The following RGPD1 variants were observed in gnomAD, a reference collection of about 807,000 sequenced individuals.
RGPD1 encodes RANBP2-like and GRIP domain-containing protein 1.
Under a neutral mutation model 40.6 loss-of-function variants are expected in RGPD1, and 7 were observed. The ratio of observed to expected loss-of-function variants is 0.17; its 90% CI spans 0.10 to 0.32. The LOEUF is 0.32. Among genes scored for constraint, RGPD1 ranks in the 10% least tolerant of loss-of-function variants. The pLI is 1.00. For synonymous variants in RGPD1, 24 were observed against 167.0 expected (o/e 0.14, Z 6.60); for missense variants, 50 against 472.5 (o/e 0.11, Z 8.29).
chr2:86,913,986 G>GCGGCGGCCTCGACCTGGCCGGA (rs1677575658), intron 1 of RGPD1: 1 of 926,670 alleles, frequency 1.1e-6, no homozygotes, highest in African/African-American at 3.1e-5. Context: ...ACCTGGCCGG[G>GCGGCGGCCTCGACCTGGCCGGA]CGGCGGCGGC....
chr2:86,930,415 G>A (rs1678849075), intron 1 of RGPD1: 1 of 1,453,046 alleles, frequency 6.9e-7, no homozygotes, highest in Admixed American at 1.7e-5. Context: ...CGAAGGTCAA[G>A]CAGTGAACCG....
At chr2:86,942,893 C>T (rs1205335753) in intron 1 of RGPD1, among the ~76,000 whole-genome samples, 1 of 151,982 alleles carries the variant, frequency 6.6e-6, no homozygotes, top group African/African-American at 2.4e-5. Context: ...TCCTCTTTCT[C>T]CCGGTTTGTT....
intron 4 of RGPD1, among the ~76,000 whole-genome samples, chr2:86,954,829 C>G (rs1464912121): frequency 1.4e-5 from 2 of 144,108 alleles, no homozygotes; most frequent in African/African-American, 5.1e-5. Context: ...AGATACAGAG[C>G]TACTCTATTA....
chr2:86,914,038 GCGGCGGCGGCGGCGGCGGCCT>G (rs1413621524), intron 1 of RGPD1: 1 of 68,534 alleles, frequency 1.5e-5, no homozygotes, highest in Non-Finnish European at 2.9e-5. Context: ...GGCGGCGGCG[GCGGCGGCGGCGGCGGCGGCCT>G]CGGCCTCGGC....
intron 6 of RGPD1, among the ~76,000 whole-genome samples, chr2:86,960,329 ATTC>A (rs1680887208): frequency 1.8e-5 from 1 of 54,964 alleles, no homozygotes; most frequent in South Asian, 6.5e-4. Flanking sequence ...GGTTCACGCC[ATTC>A]TTCTGCCTCA....
chr2:86,942,070 C>G (rs926273743), upstream of RGPD1, among the ~76,000 whole-genome samples: 1 of 151,320 alleles, frequency 6.6e-6, no homozygotes, highest in East Asian at 2.0e-4. Flanking sequence ...GCAGCTCGAG[C>G]GCCGACGTCG....
At chr2:86,939,410 C>T (rs1164202408), upstream of RGPD1, among the ~76,000 whole-genome samples, 1 of 150,192 alleles carries the variant, frequency 6.7e-6, no homozygotes, top group African/African-American at 2.5e-5. Context: ...GAAACCCCGT[C>T]TCTACTAAAA....
chr2:86,942,100 ACG>A, upstream of RGPD1: 2 of 1,227,750 alleles, frequency 1.6e-6, no homozygotes, highest in Non-Finnish European at 2.3e-6. Flanking sequence ...CACAGTGCTG[ACG>A]CAGTACACAA....
At chr2:86,930,572 C>G in intron 1 of RGPD1, 1 of 1,610,470 alleles carries the variant, frequency 6.2e-7, no homozygotes, top group Non-Finnish European at 8.5e-7. Context: ...CAGTCCAGAG[C>G]AGCCAGAACC....
At chr2:86,942,706 G>A (rs1220340718) in intron 1 of RGPD1, among the ~76,000 whole-genome samples, 2 of 148,130 alleles carry the variant, frequency 1.4e-5, no homozygotes, top group African/African-American at 4.9e-5. Flanking sequence ...GCCTCGACGT[G>A]GCCCGGCGGC....
chr2:86,914,166 GCCT>G (rs1677612074), intron 1 of RGPD1, among the ~76,000 whole-genome samples: 1 of 75,798 alleles, frequency 1.3e-5, no homozygotes, highest in East Asian at 3.9e-4. Context: ...GGCGGCCTCG[GCCT>G]CGGCCTGGCC....
intron 1 of RGPD1, among the ~76,000 whole-genome samples, chr2:86,945,533 T>C (rs544417444): frequency 9.8e-5 from 15 of 152,328 alleles, no homozygotes; most frequent in African/African-American, 3.6e-4. Context: ...ATGATGCGTC[T>C]GTATATCATA....
rs1682267667 is a variant in RGPD1 at position 87,013,358 on chromosome 2, G to T, written c.*811G>T. The T allele has an allele frequency of 8.6e-6, 1 of 116,014 alleles. No individual in the cohort carries two copies. Among genetic ancestry groups the T allele is most frequent in the Non-Finnish European group, 1.5e-5 (1 of 64,972 alleles). The allele number at this position is 116,014 out of a possible 1,614,324, so 7.2% of individuals were successfully genotyped here. A position where few individuals can be genotyped will look rare whatever the true frequency, so the allele number is the denominator to read the frequency against. On this transcript the variant is annotated 3_prime_UTR_variant, in exon 23 of 23. Coordinates refer to ENST00000641458, the MANE Select transcript of RGPD1 (RefSeq NM_001382344.1). ...TGTATTGAGCCCCACCAGGATGCTG[G>T]GGACACACGGGGCACAGTGCAGCCA... is the stretch of plus-strand genomic sequence containing the variant.
At chr2:86,931,203 T>C (rs1260253436) in intron 1 of RGPD1, among the ~76,000 whole-genome samples, 2 of 150,534 alleles carry the variant, frequency 1.3e-5, no homozygotes, top group Admixed American at 1.3e-4. Context: ...ATATCCTTTC[T>C]CCTGGTTAAT....
upstream of RGPD1, among the ~76,000 whole-genome samples, chr2:86,941,391 T>C (rs1374019267): frequency 7.3e-6 from 1 of 137,526 alleles, no homozygotes; most frequent in Non-Finnish European, 1.6e-5. Context: ...TTCCTTTTCC[T>C]TTTTTTTTTT....
chr2:86,931,349 TTGA>T (rs1406960270), intron 1 of RGPD1, among the ~76,000 whole-genome samples: 12 of 151,588 alleles, frequency 7.9e-5, no homozygotes, highest in Admixed American at 4.6e-4. Context: ...TATCTTTTAC[TTGA>T]TCCTCCGTGC....
intron 2 of RGPD1, among the ~76,000 whole-genome samples, chr2:86,951,873 GTTTTTTTTTTT>G (rs71269535): frequency 4.5e-4 from 23 of 50,960 alleles, no homozygotes; most frequent in Non-Finnish European, 5.9e-4. Flanking sequence ...GGGAGGCAGG[GTTTTTTTTTTT>G]TTTTTTTTTT....
chr2:86,925,213 T>A (rs1197868342), intron 1 of RGPD1, among the ~76,000 whole-genome samples: 1 of 147,610 alleles, frequency 6.8e-6, no homozygotes, highest in Admixed American at 6.7e-5. Context: ...TTTAACAGTG[T>A]CTTTGATGAG....
intron 1 of RGPD1, among the ~76,000 whole-genome samples, chr2:86,944,833 G>A (rs1014386662): frequency 1.3e-5 from 2 of 151,918 alleles, no homozygotes; most frequent in African/African-American, 2.4e-5. Context: ...TTAGCCTCCT[G>A]GGTAGCTGAG....
Sources: allele counts gnomAD v4.1 joint callset (sites outside exome capture counted in the v4.1 genomes callset), GRCh38; gene constraint gnomAD v4.1.1; transcripts MANE v1.5; gene names NCBI Gene and HGNC (gene_info 2026-07-23, HGNC 2026-07-21).